GALNT13: variants seen among roughly 807,000 people sequenced by gnomAD.
GALNT13 encodes the protein polypeptide N-acetylgalactosaminyltransferase 13.
A neutral mutation model predicts 64.2 loss-of-function variants in GALNT13; 28 were observed. The observed-to-expected ratio is 0.44, with a 90% CI of 0.32 to 0.60. The LOEUF is 0.60. GALNT13 is among the 20% of genes least tolerant of loss of function. GALNT13 has a pLI of 0.05. For missense variants in GALNT13, 577 were observed against 669.8 expected (o/e 0.86, Z 1.53); for synonymous variants, 214 against 224.6 (o/e 0.95, Z 0.42).
Position 153,944,453 on chromosome 2 carries a change from G to A in GALNT13, c.-45G>A, listed in dbSNP as rs551951016. 97 of 1,584,706 alleles carry A rather than the reference G, an allele frequency of 6.1e-5. 1 individual carries two copies. In the South Asian group the frequency reaches 7.7e-4, roughly 13 times the overall value. On this transcript the variant is annotated 5_prime_UTR_variant, in exon 3 of 13. Transcript: ENST00000392825. Reference sequence around the variant, plus strand: ...TGTGTGGCTTGGATTTATCACAGTAGCATTTGTCTTCAATCTGTGTGTTAA... The same window carrying A: ...TGTGTGGCTTGGATTTATCACAGTAACATTTGTCTTCAATCTGTGTGTTAA...
the GALNT13 span, among the ~76,000 whole-genome samples, chr2:153,775,290 T>C: frequency 6.6e-6 from 1 of 152,160 alleles, no homozygotes; most frequent in Non-Finnish European, 1.5e-5. Flanking sequence ...TACCATACAT[T>C]GATAGAAGCA....
chr2:154,066,190 AAAG>A (rs1270651235), intron 3 of GALNT13, among the ~76,000 whole-genome samples: 9 of 152,184 alleles, frequency 5.9e-5, no homozygotes, highest in African/African-American at 2.2e-4. Context: ...AGACGAAAGA[AAAG>A]AAGAATAGAA....
At chr2:154,046,720 C>T (rs1234221682) in intron 3 of GALNT13, among the ~76,000 whole-genome samples, 1 of 151,912 alleles carries the variant, frequency 6.6e-6, no homozygotes, top group Non-Finnish European at 1.5e-5. Flanking sequence ...TAATTCAATG[C>T]GACTGGTGTT....
the GALNT13 span, among the ~76,000 whole-genome samples, chr2:153,106,494 A>T: frequency 6.6e-6 from 1 of 152,296 alleles, no homozygotes; most frequent in East Asian, 1.9e-4. Flanking sequence ...CAGCAAGCCC[A>T]TCCCTTCTTG....
the GALNT13 span, among the ~76,000 whole-genome samples, chr2:153,601,611 C>T: frequency 6.6e-6 from 1 of 151,426 alleles, no homozygotes; most frequent in Non-Finnish European, 1.5e-5. Context: ...ATGGTCACTC[C>T]TGTTCAGTGT....
intron 8 of GALNT13, among the ~76,000 whole-genome samples, chr2:154,268,998 A>G (rs777746337): frequency 6.6e-6 from 1 of 152,114 alleles, no homozygotes; most frequent in Non-Finnish European, 1.5e-5. Flanking sequence ...AGTGAAAACA[A>G]TAGTGTATTT....
chr2:153,334,890 C>T, the GALNT13 span, among the ~76,000 whole-genome samples: 1 of 152,056 alleles, frequency 6.6e-6, no homozygotes, highest in Non-Finnish European at 1.5e-5. Flanking sequence ...GGCTGTGTCC[C>T]CACCCAAATC....
At chr2:153,814,491 A>C in the GALNT13 span, among the ~76,000 whole-genome samples, 1 of 150,680 alleles carries the variant, frequency 6.6e-6, no homozygotes, top group South Asian at 2.1e-4. Context: ...ATAAATAAAT[A>C]AATAAATAAA....
chr2:154,029,074 C>G (rs1362450353), intron 3 of GALNT13, among the ~76,000 whole-genome samples: 1 of 151,580 alleles, frequency 6.6e-6, no homozygotes, highest in Non-Finnish European at 1.5e-5. Context: ...AATATAGCAA[C>G]CCTATTGACT....
the GALNT13 span, among the ~76,000 whole-genome samples, chr2:153,778,234 C>G: frequency 6.6e-6 from 1 of 152,178 alleles, no homozygotes; most frequent in African/African-American, 2.4e-5. Flanking sequence ...ATCCAGCCAC[C>G]TATGTGTCTG....
chr2:154,399,713 G>C (rs1292468916), intron 10 of GALNT13, among the ~76,000 whole-genome samples: 1 of 152,060 alleles, frequency 6.6e-6, no homozygotes, highest in Non-Finnish European at 1.5e-5. Flanking sequence ...TTGGATAAAG[G>C]CATTCAGACC....
chr2:153,181,863 T>C, the GALNT13 span, among the ~76,000 whole-genome samples: 928 of 146,634 alleles, frequency 6.3e-3, 16 homozygotes, highest in African/African-American at 0.022. Flanking sequence ...GTATATTATA[T>C]AAGTATATTT....
At chr2:153,508,797 C>A in the GALNT13 span, among the ~76,000 whole-genome samples, 1 of 152,192 alleles carries the variant, frequency 6.6e-6, no homozygotes. Flanking sequence ...TGATGTGAGT[C>A]TCCGCAGGCT....
intron 3 of GALNT13, among the ~76,000 whole-genome samples, chr2:153,998,349 A>G (rs187673355): frequency 9.9e-5 from 15 of 152,166 alleles, no homozygotes; most frequent in Admixed American, 8.5e-4. Context: ...CTGGCATGAG[A>G]TGGTATCTTA....
intron 3 of GALNT13, among the ~76,000 whole-genome samples, chr2:154,087,726 T>C (rs1488068191): frequency 6.6e-6 from 1 of 152,102 alleles, no homozygotes; most frequent in African/African-American, 2.4e-5. Context: ...TATATGTGGT[T>C]CATCTTCCTG....
the GALNT13 span, among the ~76,000 whole-genome samples, chr2:153,209,194 A>T: frequency 0.012 from 1,750 of 151,638 alleles, 39 homozygotes; most frequent in African/African-American, 0.04. Context: ...GTTAGCCAGG[A>T]TGGTCTCGAT....
chr2:153,875,513 A>G (rs1488992907), intron 1 of GALNT13, among the ~76,000 whole-genome samples: 1 of 152,174 alleles, frequency 6.6e-6, no homozygotes, highest in Admixed American at 6.5e-5. Flanking sequence ...GTCAGAGTGA[A>G]CTATGTTGTT....
chr2:153,658,825 T>C, the GALNT13 span, among the ~76,000 whole-genome samples: 1 of 152,000 alleles, frequency 6.6e-6, no homozygotes, highest in Non-Finnish European at 1.5e-5. Flanking sequence ...TCACATTCTC[T>C]TGTAAAATTT....
the GALNT13 span, among the ~76,000 whole-genome samples, chr2:153,778,281 G>A: frequency 6.6e-6 from 1 of 152,300 alleles, no homozygotes; most frequent in Non-Finnish European, 1.5e-5. Context: ...GGCACAGGAT[G>A]GGGGCATGGC....
Sources: gnomAD v4.1 joint callset for allele counts (sites outside exome capture counted in the v4.1 genomes callset) on GRCh38, gnomAD v4.1.1 for gene constraint, MANE v1.5 for transcripts, NCBI Gene and HGNC (gene_info 2026-07-23, HGNC 2026-07-21) for gene names.